The following RAP1A variants were observed in gnomAD, a reference collection of about 807,000 sequenced individuals.
RAP1A encodes the protein ras-related protein Rap-1A.
A neutral mutation model predicts 26.4 loss-of-function variants in RAP1A; 6 were observed. That is an observed-to-expected ratio of 0.23 (90% confidence interval 0.12 to 0.45). RAP1A has a LOEUF of 0.45. Ranked by LOEUF, RAP1A falls within the 20% of genes least tolerant of loss-of-function variation. RAP1A has a pLI of 0.99. For synonymous variants in RAP1A, 73 were observed against 79.4 expected (o/e 0.92, Z 0.43); for missense variants, 121 against 217.2 (o/e 0.56, Z 2.78).
At chr1:111,702,630 C>T (rs1662058584) in intron 4 of RAP1A, among the ~76,000 whole-genome samples, 2 of 150,490 alleles carry the variant, frequency 1.3e-5, no homozygotes, top group East Asian at 2.0e-4. Flanking sequence ...TGCAGTGGTG[C>T]GATGTTGGCT....
At chr1:111,582,742 A>T (rs1253605883) in intron 1 of RAP1A, among the ~76,000 whole-genome samples, 1 of 152,234 alleles carries the variant, frequency 6.6e-6, no homozygotes, top group Admixed American at 6.5e-5. Context: ...TAAAAAAATT[A>T]AAAGTACTCA....
intron 1 of RAP1A, among the ~76,000 whole-genome samples, chr1:111,550,571 C>T (rs1240894432): frequency 6.6e-6 from 1 of 152,184 alleles, no homozygotes; most frequent in Admixed American, 6.5e-5. Flanking sequence ...TCTAATGTCT[C>T]TTGCAATTTC....
intron 1 of RAP1A, among the ~76,000 whole-genome samples, chr1:111,687,574 A>G (rs1297723806): frequency 1.3e-5 from 2 of 152,182 alleles, no homozygotes; most frequent in Non-Finnish European, 2.9e-5. Context: ...TTAACATATG[A>G]GAATTTACTT....
intron 1 of RAP1A, among the ~76,000 whole-genome samples, chr1:111,569,972 T>C (rs1045777668): frequency 6.6e-6 from 1 of 152,192 alleles, no homozygotes; most frequent in African/African-American, 2.4e-5. Context: ...AGGGAAAATA[T>C]AAAAGCAAAG....
chr1:111,675,376 G>A (rs1661095922), intron 1 of RAP1A, among the ~76,000 whole-genome samples: 1 of 152,080 alleles, frequency 6.6e-6, no homozygotes, highest in Admixed American at 6.5e-5. Context: ...GGAGGCTGAG[G>A]CAGGAAAATG....
chr1:111,693,897 C>CTTT (rs11431985), intron 2 of RAP1A, among the ~76,000 whole-genome samples: 3,654 of 145,560 alleles, frequency 0.025, 134 homozygotes, highest in African/African-American at 0.085. Flanking sequence ...ATTAGACTGC[C>CTTT]TTTTTTTTTT....
intron 1 of RAP1A, among the ~76,000 whole-genome samples, chr1:111,664,498 A>G (rs1018949013): frequency 2.7e-5 from 4 of 150,830 alleles, no homozygotes; most frequent in African/African-American, 7.3e-5. Flanking sequence ...TAAGTTTTCT[A>G]TTAGATCATC....
intron 1 of RAP1A, among the ~76,000 whole-genome samples, chr1:111,558,409 ACTCCTGGGCTCAAGCAATC>A (rs919159111): frequency 3.3e-5 from 5 of 151,382 alleles, no homozygotes; most frequent in African/African-American, 4.9e-5. Flanking sequence ...CTGGTCTTGA[ACTCCTGGGCTCAAGCAATC>A]CACCTGCCTC....
At chr1:111,661,840 T>C (rs1180053056) in intron 1 of RAP1A, among the ~76,000 whole-genome samples, 2 of 151,026 alleles carry the variant, frequency 1.3e-5, no homozygotes, top group African/African-American at 2.4e-5. Flanking sequence ...TGAGAGGATC[T>C]CTTTTTGGTT....
chr1:111,597,709 A>G (rs1056677534), intron 1 of RAP1A, among the ~76,000 whole-genome samples: 7 of 152,208 alleles, frequency 4.6e-5, no homozygotes, highest in African/African-American at 1.7e-4. Context: ...TTTCATAAAG[A>G]AAGGGGAGAA....
At chr1:111,692,392 T>C (rs905219750) in intron 2 of RAP1A, among the ~76,000 whole-genome samples, 2 of 152,224 alleles carry the variant, frequency 1.3e-5, no homozygotes, top group African/African-American at 4.8e-5. Context: ...TGATATTTAA[T>C]TTCATGAGAG....
At position 111,627,937 on chromosome 1, in the gene RAP1A, CAAAA is replaced by C. The variant is rs148865042; in HGVS notation, c.-28+8010_-28+8013del. Reference sequence around the variant, plus strand: ...TCACATGGTTCTGACTTTGAAAAAACAAAAAAAAAATCTGTGAATGTTTAGAGCA... The same window carrying C: ...TCACATGGTTCTGACTTTGAAAAAACAAAAAATCTGTGAATGTTTAGAGCA... On this transcript the variant is annotated intron_variant, in intron 1 of 7. Transcript: ENST00000369709. 8.2e-3 allele frequency among the ~76,000 whole-genome samples: 1,218 copies of C among 148,072 alleles called. 21 individuals carry two copies. Among genetic ancestry groups the C allele is most frequent in the African/African-American group, 0.029 (1,174 of 40,528 alleles).
At chr1:111,602,104 G>A (rs753836403) in intron 1 of RAP1A, 1 of 152,224 alleles carries the variant, frequency 6.6e-6, no homozygotes, top group Non-Finnish European at 1.5e-5. Flanking sequence ...TAGCCAAACA[G>A]CGTTTGCAAA....
intron 4 of RAP1A, among the ~76,000 whole-genome samples, chr1:111,698,329 T>C (rs185713047): frequency 6.6e-6 from 1 of 152,254 alleles, no homozygotes; most frequent in East Asian, 1.9e-4. Context: ...GGCTAGGGTG[T>C]AGTGGTGCAA....
chr1:111,584,103 A>G (rs1341800299), intron 1 of RAP1A, among the ~76,000 whole-genome samples: 1 of 151,908 alleles, frequency 6.6e-6, no homozygotes. Context: ...GCTGGTCTTG[A>G]ACTCCTGACC....
intron 1 of RAP1A, among the ~76,000 whole-genome samples, chr1:111,592,367 A>G (rs1317834500): frequency 2.0e-5 from 3 of 152,232 alleles, no homozygotes; most frequent in African/African-American, 7.2e-5. Flanking sequence ...TCACAGCACA[A>G]GCAGTCTGTC....
chr1:111,643,793 C>G (rs897741064), intron 1 of RAP1A, among the ~76,000 whole-genome samples: 1 of 152,140 alleles, frequency 6.6e-6, no homozygotes, highest in Non-Finnish European at 1.5e-5. Flanking sequence ...ACCTATAAGA[C>G]CATACACACA....
chr1:111,678,031 C>T (rs1433580267), intron 1 of RAP1A, among the ~76,000 whole-genome samples: 3 of 152,196 alleles, frequency 2.0e-5, no homozygotes, highest in Non-Finnish European at 4.4e-5. Flanking sequence ...GCTGATATCA[C>T]ACAATATGTA....
At chr1:111,652,879 G>A (rs952370103) in intron 1 of RAP1A, among the ~76,000 whole-genome samples, 5 of 152,084 alleles carry the variant, frequency 3.3e-5, no homozygotes, top group Admixed American at 3.3e-4. Flanking sequence ...AAAAATAAAA[G>A]AAAAATATAG....
Sources: gnomAD v4.1 joint callset for allele counts (sites outside exome capture counted in the v4.1 genomes callset) on GRCh38, gnomAD v4.1.1 for gene constraint, MANE v1.5 for transcripts, NCBI Gene and HGNC (gene_info 2026-07-23, HGNC 2026-07-21) for gene names.